MSL2: variants seen among roughly 807,000 people sequenced by gnomAD.
MSL2 encodes the protein MSL complex subunit 2, also known as E3 ubiquitin-protein ligase MSL2.
MSL2 carries 2 observed loss-of-function variants against 35.8 expected under a neutral mutation model. The observed-to-expected ratio is 0.06, with a 90% CI of 0.02 to 0.18. MSL2 has a LOEUF of 0.18. Ranked by LOEUF, MSL2 falls within the 10% of genes least tolerant of loss-of-function variation. The pLI, the probability that MSL2 is intolerant of heterozygous loss-of-function variation, is 1.00. For missense variants in MSL2, 523 were observed against 706.7 expected (o/e 0.74, Z 2.95); for synonymous variants, 296 against 255.7 (o/e 1.16, Z -1.50).
chr3:136,154,576 A>G (rs1939463568), intron 1 of MSL2, among the ~76,000 whole-genome samples: 1 of 152,222 alleles, frequency 6.6e-6, no homozygotes, highest in Non-Finnish European at 1.5e-5. Context: ...GTGGGAAAAA[A>G]AAAAATGAGA....
At chr3:136,168,886 G>T (rs1302552446) in intron 1 of MSL2, among the ~76,000 whole-genome samples, 1 of 151,854 alleles carries the variant, frequency 6.6e-6, no homozygotes, top group East Asian at 1.9e-4. Flanking sequence ...TTTCCAAATG[G>T]CCCAGATAAC....
chr3:136,151,659 T>G lies in MSL2; in HGVS notation c.1222A>C (p.Met408Leu), dbSNP rs368746080. Residue 408 changes from methionine to leucine, a missense_variant, in exon 2 of 2, where the codon ATG (methionine) becomes CTG (leucine). This residue lies in a region of MSL2 where 361 missense variants were observed against 414.6 expected (regional missense o/e 0.87). Transcript: ENST00000309993. This position sits in a 1 kb window ranked among gnomAD's most constrained non-coding sequence, Gnocchi z 5.2. Reference protein sequence around the residue: ...SKTVLLSTKSMKKSHEHGSKK... With the variant: ...SKTVLLSTKSLKKSHEHGSKK... ...GATCCATGTTCATGACTCTTTTTCA[T>G]GCTTTTAGTAGATAAAAGTACAGTT... 1 of 1,614,094 alleles carries G rather than the reference T, an allele frequency of 6.2e-7. No individual in the cohort carries two copies. Among genetic ancestry groups the G allele is most frequent in the African/African-American group, 1.3e-5 (1 of 74,932 alleles).
chr3:136,184,913 T>A (rs1364578037), intron 1 of MSL2, among the ~76,000 whole-genome samples: 1 of 152,308 alleles, frequency 6.6e-6, no homozygotes, highest in African/African-American at 2.4e-5. Context: ...ACCTCATACT[T>A]TTCCAGGAAG....
intron 1 of MSL2, among the ~76,000 whole-genome samples, chr3:136,176,365 A>C (rs1358048021): frequency 6.6e-6 from 1 of 151,724 alleles, no homozygotes; most frequent in Non-Finnish European, 1.5e-5. Context: ...AATACAAAAA[A>C]TTAGCAGGAC....
chr3:136,194,344 G>A lies in MSL2; in HGVS notation c.142+628C>T, dbSNP rs1340721390. 2.3e-5 allele frequency: 21 copies of A among 917,440 alleles called. No homozygotes were observed. In the South Asian group the frequency reaches 7.5e-4, roughly 33 times the overall value. 56.8% of individuals were successfully genotyped at this position (917,440 alleles called of 1,614,324 possible). ...AACATCTAAAATAACCCTCGACAAA[G>A]CCAAAGTATATTAAACCACAAAATG... On this transcript the variant is annotated intron_variant, in intron 1 of 1. Coordinates refer to ENST00000309993, the MANE Select transcript of MSL2 (RefSeq NM_018133.4).
At chr3:136,182,009 T>C (rs1940380957) in intron 1 of MSL2, among the ~76,000 whole-genome samples, 1 of 152,082 alleles carries the variant, frequency 6.6e-6, no homozygotes, top group Non-Finnish European at 1.5e-5. Flanking sequence ...TTTAAAATTT[T>C]TTTAAAAAAT....
Position 136,152,518 on chromosome 3 carries a change from T to G in MSL2, c.363A>C (p.Glu121Asp), listed in dbSNP as rs1939403272. The change falls in exon 2 of 2, where the codon GAA becomes GAC. Residue 121 changes from glutamate (E) to aspartate (D), a missense_variant. Glu to Asp is a conservative substitution (Grantham distance 45). Coordinates refer to ENST00000309993, the MANE Select transcript of MSL2 (RefSeq NM_018133.4). ...TQTTLARDIIEAVDCSSDILA... is the reference protein window; with the variant it reads ...TQTTLARDIIDAVDCSSDILA... Reference sequence around the variant, plus strand: ...AAATATCAGAAGAACAGTCAACTGCTTCTATTATATCCCGTGCCAGTGTAG... The same window carrying G: ...AAATATCAGAAGAACAGTCAACTGCGTCTATTATATCCCGTGCCAGTGTAG... 6.2e-7 allele frequency: 1 copy of G among 1,614,102 alleles called. No homozygotes were observed. Among genetic ancestry groups the G allele is most frequent in the Admixed American group, 1.7e-5 (1 of 60,004 alleles).
rs1177793766 is a variant in MSL2, at chr3:136,151,109, A to G, written c.*38T>C. 4 of 1,588,502 alleles carry G rather than the reference A, an allele frequency of 2.5e-6. No homozygotes were observed. The highest frequency in any genetic ancestry group is 2.3e-5 in the East Asian group (1 of 44,432). ...CCATAGCTGCCGTAAAACTGTAGCT[A>G]TTTCCCTACCAGGAGTAGGTTTAAA... On this transcript the variant is annotated 3_prime_UTR_variant, in exon 2 of 2. Transcript: ENST00000309993. The surrounding 1 kb of genome is among the most constrained non-coding windows in gnomAD (Gnocchi z 5.2).
chr3:136,189,943 CG>C (rs1940635519), intron 1 of MSL2, among the ~76,000 whole-genome samples: 2 of 151,654 alleles, frequency 1.3e-5, no homozygotes, highest in Non-Finnish European at 2.9e-5. Context: ...TAACCAGGCG[CG>C]GGGGTGCACT....
intron 1 of MSL2, among the ~76,000 whole-genome samples, chr3:136,158,900 TAACA>T (rs1239556910): frequency 6.6e-6 from 1 of 152,300 alleles, no homozygotes. Context: ...AGAAAAACTT[TAACA>T]AAGACTTCTA....
chr3:136,178,680 G>A (rs917654455), intron 1 of MSL2, among the ~76,000 whole-genome samples: 5 of 151,814 alleles, frequency 3.3e-5, no homozygotes, highest in Admixed American at 1.3e-4. Context: ...AATTACAGGC[G>A]CCCACCATGG....
intron 1 of MSL2, among the ~76,000 whole-genome samples, chr3:136,189,136 A>AAAC: frequency 8.3e-6 from 1 of 120,546 alleles, no homozygotes; most frequent in East Asian, 2.2e-4. Context: ...AAAAAAAAAA[A>AAAC]CACACACACA....
chr3:136,166,819 T>C (rs1190572300), intron 1 of MSL2, among the ~76,000 whole-genome samples: 1 of 152,222 alleles, frequency 6.6e-6, no homozygotes, highest in Non-Finnish European at 1.5e-5. Context: ...ACTCTTTAAA[T>C]ACATAGTTGA....
intron 1 of MSL2, among the ~76,000 whole-genome samples, chr3:136,160,681 C>G (rs1281971325): frequency 6.6e-6 from 1 of 150,878 alleles, no homozygotes; most frequent in Non-Finnish European, 1.5e-5. Context: ...TGCACTCCAG[C>G]CTGGGAGACA....
At chr3:136,177,897 C>T (rs571331788) in intron 1 of MSL2, among the ~76,000 whole-genome samples, 31 of 152,230 alleles carry the variant, frequency 2.0e-4, no homozygotes, top group Admixed American at 1.8e-3. Flanking sequence ...ATAAATGTCA[C>T]TCAAGCCAAG....
Position 136,195,413 on chromosome 3 carries a change from G to A in MSL2, c.-300C>T. The A allele has an allele frequency of 1.2e-5, 14 of 1,133,724 alleles. No homozygotes were observed. The highest frequency in any genetic ancestry group is 1.5e-5 in the Non-Finnish European group (14 of 922,310). The allele number at this position is 1,133,724 out of a possible 1,614,324, so 70.2% of individuals were successfully genotyped here. On this transcript the variant is annotated 5_prime_UTR_variant, in exon 1 of 2. Transcript: ENST00000309993. ...CAGAACGCGGCGGCTTGGGCGCTCGGGGCGGGACTCGGAGCTCAGTCTAGC... is the reference window on the plus strand; with the variant it reads ...CAGAACGCGGCGGCTTGGGCGCTCGAGGCGGGACTCGGAGCTCAGTCTAGC...
At chr3:136,160,266 ACT>A (rs1229731539) in intron 1 of MSL2, among the ~76,000 whole-genome samples, 3 of 118,824 alleles carry the variant, frequency 2.5e-5, no homozygotes, top group Non-Finnish European at 5.2e-5. Flanking sequence ...ACAGAGAAAG[ACT>A]CTGTCTCAAA....
chr3:136,171,731 C>A (rs1384782007), intron 1 of MSL2, among the ~76,000 whole-genome samples: 21 of 152,094 alleles, frequency 1.4e-4, no homozygotes, highest in Admixed American at 1.3e-3. Context: ...TATCTAGGTT[C>A]TTTTCACAGC....
chr3:136,181,909 ACT>A (rs922143577), intron 1 of MSL2, among the ~76,000 whole-genome samples: 2 of 141,178 alleles, frequency 1.4e-5, no homozygotes, highest in African/African-American at 2.8e-5. Context: ...ACAGAGTGAG[ACT>A]CTGTCTCAAA....
Sources: allele counts gnomAD v4.1 joint callset (sites outside exome capture counted in the v4.1 genomes callset), GRCh38; gene constraint gnomAD v4.1.1; regional missense constraint gnomAD v4.1.1; non-coding constraint Gnocchi (gnomAD v3.1); transcripts MANE v1.5; gene names NCBI Gene and HGNC (gene_info 2026-07-23, HGNC 2026-07-21).